RBM18: variants seen among roughly 807,000 people sequenced by gnomAD.
The protein encoded by RBM18 is probable RNA-binding protein 18.
RBM18 carries 18 observed loss-of-function variants against 26.4 expected under a neutral mutation model. The observed-to-expected ratio is 0.68, with a 90% CI of 0.47 to 1.01. The LOEUF (loss-of-function observed/expected upper bound fraction) is 1.01, where lower values mean the gene tolerates loss of function less well. Among genes scored for constraint, RBM18 ranks in the 50% least tolerant of loss-of-function variants. RBM18 has a pLI of 0.00. For synonymous variants in RBM18, 74 were observed against 81.1 expected (o/e 0.91, Z 0.47); for missense variants, 180 against 219.2 (o/e 0.82, Z 1.13).
chr9:122,250,009 G>A (rs1831572836), intron 3 of RBM18, among the ~76,000 whole-genome samples: 1 of 141,364 alleles, frequency 7.1e-6, no homozygotes, highest in African/African-American at 2.6e-5. Context: ...GGTCAAGGGT[G>A]CAGTGGGTCA....
At chr9:122,250,947 T>C (rs1831593972) in intron 3 of RBM18, among the ~76,000 whole-genome samples, 1 of 151,486 alleles carries the variant, frequency 6.6e-6, no homozygotes, top group Non-Finnish European at 1.5e-5. Context: ...TGAGATGGAG[T>C]CTTGCTTTGT....
chr9:122,249,726 C>T (rs1831567435), intron 3 of RBM18, among the ~76,000 whole-genome samples: 1 of 150,592 alleles, frequency 6.6e-6, no homozygotes, highest in African/African-American at 2.4e-5. Flanking sequence ...AAAACAACAA[C>T]AAAAAGAATT....
intron 2 of RBM18, among the ~76,000 whole-genome samples, chr9:122,257,102 G>T (rs544568685): frequency 6.6e-6 from 1 of 152,186 alleles, no homozygotes. Context: ...TTGAGACAGC[G>T]TCTTGCTCTG....
At chr9:122,261,555 GAACACAAGACTTCA>G in intron 1 of RBM18, 47 bp from the exon 2 acceptor site, 1 of 1,205,170 alleles carries the variant, frequency 8.3e-7, no homozygotes, top group Middle Eastern at 1.9e-4. Flanking sequence ...AACAATGTGT[GAACACAAGACTTCA>G]AATTCAACTC....
At chr9:122,260,802 T>C (rs1831780507) in intron 2 of RBM18, among the ~76,000 whole-genome samples, 1 of 152,180 alleles carries the variant, frequency 6.6e-6, no homozygotes, top group African/African-American at 2.4e-5. Flanking sequence ...ACAGCTCTGA[T>C]TATTACTTTT....
chr9:122,247,558 GA>G lies in RBM18; in HGVS notation c.286del (p.Ser96ProfsTer13), dbSNP rs753969688. 1.5e-5 allele frequency: 24 copies of G among 1,613,852 alleles called. No individual in the cohort carries two copies. The highest frequency in any genetic ancestry group is 1.7e-6 in the Non-Finnish European group (2 of 1,180,008). On this transcript the variant is annotated frameshift_variant, in exon 4 of 6. Transcript: ENST00000417201. LOFTEE classifies it high-confidence loss of function. ...IQCLNGKLAL[S>X]KKLVVRWAHA... The stretch of plus-strand genomic sequence containing the variant: ...TGCCCATCGCACCACCAGCTTCTTG[GA>G]CAGGGCCAACTTGCCATTGAGACAC...
chr9:122,243,088 A>G (rs1203315734), intron 5 of RBM18, among the ~76,000 whole-genome samples: 1 of 152,110 alleles, frequency 6.6e-6, no homozygotes, highest in Admixed American at 6.5e-5. Flanking sequence ...TTGACCTCCC[A>G]AAGTGCTGGG....
intron 2 of RBM18, among the ~76,000 whole-genome samples, chr9:122,258,053 T>G (rs547963759): frequency 2.0e-5 from 3 of 152,354 alleles, no homozygotes; most frequent in South Asian, 4.1e-4. Flanking sequence ...TGGGAATTAC[T>G]GCATTTTATA....
At chr9:122,243,150 T>G (rs1317572818) in intron 5 of RBM18, among the ~76,000 whole-genome samples, 1 of 152,122 alleles carries the variant, frequency 6.6e-6, no homozygotes, top group African/African-American at 2.4e-5. Context: ...TTTAACTTTT[T>G]TTGTAGAGAT....
chr9:122,263,122 T>C (rs1831847751), intron 1 of RBM18, among the ~76,000 whole-genome samples: 1 of 152,160 alleles, frequency 6.6e-6, no homozygotes, highest in African/African-American at 2.4e-5. Context: ...ACAGGAACCA[T>C]GGAGGCAGTC....
Position 122,238,125 on chromosome 9 carries a change from T to A in RBM18, c.*3759A>T, listed in dbSNP as rs1831357910. On this transcript the variant is annotated 3_prime_UTR_variant, in exon 6 of 6. Coordinates refer to ENST00000417201, the MANE Select transcript of RBM18 (RefSeq NM_033117.4). ...ATCGCTTTGTCTCTCTGGGTTCCCG[T>A]TTTCCCCATCTGGACAATGAGGGGG... 6.6e-6 allele frequency: 1 copy of A among 152,196 alleles called. No homozygotes were observed. Among genetic ancestry groups the A allele is most frequent in the Admixed American group, 6.5e-5 (1 of 15,274 alleles). 9.4% of individuals were successfully genotyped at this position (152,196 alleles called of 1,614,324 possible). A position where few individuals can be genotyped will look rare whatever the true frequency, so the allele number is the denominator to read the frequency against.
intron 1 of RBM18, among the ~76,000 whole-genome samples, chr9:122,263,630 C>T (rs932562720): frequency 1.3e-5 from 2 of 152,112 alleles, no homozygotes; most frequent in African/African-American, 2.4e-5. Context: ...TGATACATGC[C>T]ACAAACACAA....
intron 2 of RBM18, among the ~76,000 whole-genome samples, chr9:122,255,000 T>G (rs1309151539): frequency 2.0e-5 from 3 of 151,796 alleles, no homozygotes; most frequent in Non-Finnish European, 4.4e-5. Flanking sequence ...TGGAGTAGAG[T>G]GGGGGTAGCC....
rs1177800512 is a variant in RBM18 at position 122,238,239 on chromosome 9, A to G, written c.*3645T>C. The G allele has an allele frequency of 6.6e-6, 1 of 152,224 alleles. No individual in the cohort carries two copies. The highest frequency in any genetic ancestry group is 1.5e-5 in the Non-Finnish European group (1 of 68,046). The allele number at this position is 152,224 out of a possible 1,614,324, so 9.4% of individuals were successfully genotyped here. On this transcript the variant is annotated 3_prime_UTR_variant, in exon 6 of 6. Coordinates refer to ENST00000417201, the MANE Select transcript of RBM18 (RefSeq NM_033117.4). ...AACAAATATTTATTGAGTATGTATG[A>G]TGTACAGCCATTGTTTTAAATGCTG...
intron 2 of RBM18, chr9:122,254,385 A>G (rs1033840996): frequency 5.5e-6 from 4 of 733,112 alleles, no homozygotes; most frequent in Non-Finnish European, 6.7e-6. Flanking sequence ...AAAAGGAATG[A>G]AATGTTTACT....
intron 2 of RBM18, among the ~76,000 whole-genome samples, chr9:122,255,660 C>A (rs569456099): frequency 6.6e-6 from 1 of 152,286 alleles, no homozygotes; most frequent in South Asian, 2.1e-4. Flanking sequence ...CAGACTCACT[C>A]ATCAGTCTCC....
intron 4 of RBM18, among the ~76,000 whole-genome samples, chr9:122,246,181 T>C (rs1345365200): frequency 1.3e-5 from 2 of 152,116 alleles, no homozygotes; most frequent in African/African-American, 4.8e-5. Context: ...AAAATTTTAT[T>C]AGAAAAAATA....
Position 122,241,984 on chromosome 9 carries a change from T to A in RBM18, c.473A>T (p.Asp158Val), listed in dbSNP as rs2118947915. The change falls in exon 6 of 6, where the codon GAT (aspartate) becomes GTT (valine). Residue 158 changes from aspartate (D) to valine (V), a missense_variant. Physicochemically the swap from Asp to Val is radical, Grantham distance 152. Around this residue, in one of 3 missense-constraint regions of RBM18, gnomAD observed 103 missense variants for 102.8 expected, o/e 1.00. Coordinates refer to ENST00000417201, the MANE Select transcript of RBM18 (RefSeq NM_033117.4). ...AACAGGCGCTGCTGGATACTCTGCA[T>A]CAGGATTTTCCGCCATCATTTTCAG... ...AKLKMMAENP[D>V]AEYPAAPVYS... 1 of 1,614,114 alleles carries A rather than the reference T, an allele frequency of 6.2e-7. No individual in the cohort carries two copies. Among genetic ancestry groups the A allele is most frequent in the East Asian group, 2.2e-5 (1 of 44,870 alleles).
chr9:122,262,309 C>T (rs1472025408), intron 1 of RBM18, among the ~76,000 whole-genome samples: 1 of 152,168 alleles, frequency 6.6e-6, no homozygotes, highest in African/African-American at 2.4e-5. Context: ...AGCTGTTGGC[C>T]TCAGTTCCCT....
Sources: allele counts gnomAD v4.1 joint callset (sites outside exome capture counted in the v4.1 genomes callset), GRCh38; gene constraint gnomAD v4.1.1; regional missense constraint gnomAD v4.1.1; transcripts MANE v1.5; gene names NCBI Gene and HGNC (gene_info 2026-07-23, HGNC 2026-07-21).